The following ENTHD1 variants were observed in gnomAD, a reference collection of about 807,000 sequenced individuals.
ENTHD1 encodes ENTH domain-containing protein 1.
Under a neutral mutation model 39.1 loss-of-function variants are expected in ENTHD1, and 23 were observed. The observed-to-expected ratio is 0.59, with a 90% CI of 0.42 to 0.83. The LOEUF (loss-of-function observed/expected upper bound fraction) is 0.83, where lower values mean the gene tolerates loss of function less well. Ranked by LOEUF, ENTHD1 falls within the 40% of genes least tolerant of loss-of-function variation. The pLI, the probability that ENTHD1 is intolerant of heterozygous loss-of-function variation, is 0.00. For synonymous variants in ENTHD1, 230 were observed against 258.2 expected, an observed-to-expected ratio of 0.89 and a Z score of 1.05; for missense variants, 624 against 705.4, an observed-to-expected ratio of 0.88 and a Z score of 1.31.
At chr22:39,763,419 G>T (rs1162376003) in intron 6 of ENTHD1, among the ~76,000 whole-genome samples, 3 of 152,104 alleles carry the variant, frequency 2.0e-5, no homozygotes, top group Admixed American at 6.5e-5. Flanking sequence ...TGGAATACAG[G>T]CCCTTCAAGT....
At position 39,743,703 on chromosome 22, in the gene ENTHD1, A is replaced by G. The variant is rs1381721044; in HGVS notation, c.1800T>C (p.Ser600=). Residue 600 remains serine (S), a synonymous_variant, in exon 7 of 7, where the codon TCT becomes TCC. Transcript: ENST00000325157. ...ISQSSQVPQS[S]EGSSDQI is the part of the protein sequence containing the mutation. ...ATTAGATCTGATCTGAGCTCCCCTC[A>G]GAAGACTGGGGGACCTGGGAAGACT... The G allele has an allele frequency of 6.2e-7, 1 of 1,612,492 alleles. No homozygotes were observed. The highest frequency in any genetic ancestry group is 1.1e-5 in the South Asian group (1 of 90,740).
At chr22:39,753,946 G>A (rs894607687) in intron 6 of ENTHD1, among the ~76,000 whole-genome samples, 2 of 151,876 alleles carry the variant, frequency 1.3e-5, no homozygotes, top group East Asian at 1.9e-4. Context: ...CTCTATCAAC[G>A]CCTGCCTGGC....
rs922463582 is a variant in ENTHD1 at position 39,818,215 on chromosome 22, G to C, written c.832+2778C>G. ...GACCACATGAAGAGGCTCATATGGA[G>C]AGGAACTGAGGCCTCCAGCCGATAG... On this transcript the variant is annotated intron_variant, in intron 5 of 6. Transcript: ENST00000325157. 6.6e-5 allele frequency among the ~76,000 whole-genome samples: 10 copies of C among 152,218 alleles called. 1 individual carries two copies. Among genetic ancestry groups the C allele is most frequent in the Admixed American group, 5.9e-4 (9 of 15,278 alleles).
chr22:39,789,196 T>C (rs2065484069), intron 5 of ENTHD1, among the ~76,000 whole-genome samples: 1 of 152,224 alleles, frequency 6.6e-6, no homozygotes, highest in Non-Finnish European at 1.5e-5. Context: ...AGAGTGCAGG[T>C]ATCTCTTCAA....
At chr22:39,857,914 G>A (rs2146718048) in intron 3 of ENTHD1, among the ~76,000 whole-genome samples, 1 of 152,294 alleles carries the variant, frequency 6.6e-6, no homozygotes, top group East Asian at 1.9e-4. Context: ...TTTGCTGGTG[G>A]AGGGTCTTGT....
intron 1 of ENTHD1, chr22:39,893,344 G>T (rs534508848): frequency 6.6e-6 from 1 of 152,070 alleles, no homozygotes; most frequent in Non-Finnish European, 1.5e-5. Context: ...GCCTTTCCTC[G>T]GCATCCTCGT....
intron 5 of ENTHD1, among the ~76,000 whole-genome samples, chr22:39,791,656 C>T (rs1365670650): frequency 6.6e-6 from 1 of 152,088 alleles, no homozygotes; most frequent in Non-Finnish European, 1.5e-5. Context: ...CCTCAGCCTC[C>T]CAAAGTGCTG....
At chr22:39,843,429 G>A (rs1369165123) in intron 3 of ENTHD1, among the ~76,000 whole-genome samples, 2 of 143,970 alleles carry the variant, frequency 1.4e-5, no homozygotes, top group African/African-American at 5.1e-5. Context: ...ATGGACACAG[G>A]AAGGGGAACA....
At chr22:39,831,462 A>G (rs1480538109) in intron 4 of ENTHD1, among the ~76,000 whole-genome samples, 2 of 152,212 alleles carry the variant, frequency 1.3e-5, no homozygotes, top group Admixed American at 6.5e-5. Flanking sequence ...ACTCAAGATG[A>G]GCTTATAATC....
Position 39,887,605 on chromosome 22 carries a change from A to C in ENTHD1, c.144T>G (p.Ile48Met), listed in dbSNP as rs750039068. The C allele has an allele frequency of 5.6e-6, 9 of 1,614,084 alleles. No homozygotes were observed. The Admixed American group carries it at 1.5e-4, about 27-fold the overall frequency. Reference sequence around the variant, plus strand: ...GCATATTCATAATCTCTGAGAGAGAAATTGTGTTGAAAGTCAAGTCACTGA... The same window carrying C: ...GCATATTCATAATCTCTGAGAGAGACATTGTGTTGAAAGTCAAGTCACTGA... The part of the protein sequence containing the change: ...LDISDLTFNT[I>M]SLSEIMNMLW... Residue 48 changes from isoleucine to methionine, a missense_variant, in exon 2 of 7, where the codon ATT becomes ATG. Coordinates refer to ENST00000325157, the MANE Select transcript of ENTHD1 (RefSeq NM_152512.4).
chr22:39,826,034 C>T (rs1271779652), intron 4 of ENTHD1, among the ~76,000 whole-genome samples: 1 of 152,176 alleles, frequency 6.6e-6, no homozygotes, highest in African/African-American at 2.4e-5. Context: ...CACCACCACG[C>T]CTGGCTAATT....
chr22:39,833,769 A>T (rs10427552), intron 4 of ENTHD1, among the ~76,000 whole-genome samples: 14,004 of 151,844 alleles, frequency 0.092, 711 homozygotes, highest in African/African-American at 0.13. Context: ...GTAGAAAATG[A>T]TTGAAGAAAA....
intron 3 of ENTHD1, among the ~76,000 whole-genome samples, chr22:39,857,791 CTAAG>C (rs1193676389): frequency 6.6e-6 from 1 of 152,102 alleles, no homozygotes; most frequent in Non-Finnish European, 1.5e-5. Flanking sequence ...ACTTAGTAGA[CTAAG>C]TATGCAATAC....
At chr22:39,890,730 A>G (rs1203346247) in intron 1 of ENTHD1, among the ~76,000 whole-genome samples, 1 of 152,198 alleles carries the variant, frequency 6.6e-6, no homozygotes, top group Non-Finnish European at 1.5e-5. Context: ...ACATGACACC[A>G]TATCAGAATT....
At chr22:39,825,074 G>A (rs1175068309) in intron 4 of ENTHD1, among the ~76,000 whole-genome samples, 1 of 151,998 alleles carries the variant, frequency 6.6e-6, no homozygotes, top group African/African-American at 2.4e-5. Context: ...CTCTATTTGG[G>A]TCCTCTTTAA....
chr22:39,755,416 A>G (rs2065177649), intron 6 of ENTHD1, among the ~76,000 whole-genome samples: 1 of 152,160 alleles, frequency 6.6e-6, no homozygotes. Context: ...AGAAAATATC[A>G]GGCTGGTTAG....
At chr22:39,768,008 G>C (rs2065290949) in intron 5 of ENTHD1, among the ~76,000 whole-genome samples, 2 of 152,046 alleles carry the variant, frequency 1.3e-5, no homozygotes, top group Non-Finnish European at 2.9e-5. Flanking sequence ...CTATGACCTA[G>C]AAGAAGCCAA....
At chr22:39,796,218 G>A (rs867053708) in intron 5 of ENTHD1, among the ~76,000 whole-genome samples, 51 of 151,934 alleles carry the variant, frequency 3.4e-4, no homozygotes, top group South Asian at 1.0e-3. Flanking sequence ...TCTTACTACT[G>A]CTTTTGCTGT....
chr22:39,875,725 T>C, intron 2 of ENTHD1: 2 of 1,612,970 alleles, frequency 1.2e-6, no homozygotes, highest in Non-Finnish European at 1.7e-6. Context: ...CTTCTGCTGA[T>C]GTGTTGGCCC....
Sources: allele counts gnomAD v4.1 joint callset (sites outside exome capture counted in the v4.1 genomes callset), GRCh38; gene constraint gnomAD v4.1.1; transcripts MANE v1.5; gene names NCBI Gene and HGNC (gene_info 2026-07-23, HGNC 2026-07-21).